PDE7B: variants seen among roughly 807,000 people sequenced by gnomAD.
PDE7B encodes the protein phosphodiesterase 7B.
A neutral mutation model predicts 56.2 loss-of-function variants in PDE7B; 29 were observed. The observed-to-expected ratio is 0.52, with a 90% CI of 0.38 to 0.70. PDE7B has a LOEUF of 0.70. Ranked by LOEUF, PDE7B falls within the 30% of genes least tolerant of loss-of-function variation. The probability of loss-of-function intolerance (pLI) is 0.00; values close to 1 mark genes in which losing one functional copy is unlikely to be tolerated. For missense variants in PDE7B, 490 were observed against 565.0 expected, an observed-to-expected ratio of 0.87 and a Z score of 1.35; for synonymous variants, 197 against 196.9, an observed-to-expected ratio of 1.00 and a Z score of 0.00.
chr6:136,018,115 T>C (rs1048937781), intron 2 of PDE7B, among the ~76,000 whole-genome samples: 2 of 152,174 alleles, frequency 1.3e-5, no homozygotes, highest in African/African-American at 4.8e-5. Context: ...TTATCTATAG[T>C]TTCCATGCAT....
intron 1 of PDE7B, among the ~76,000 whole-genome samples, chr6:135,920,931 A>G (rs759769029): frequency 3.3e-5 from 5 of 152,140 alleles, no homozygotes; most frequent in Admixed American, 6.5e-5. Flanking sequence ...TCTGATAAAC[A>G]ATGTGGTGCT....
chr6:135,962,018 G>T (rs1774911567), intron 2 of PDE7B, among the ~76,000 whole-genome samples: 2 of 152,048 alleles, frequency 1.3e-5, no homozygotes, highest in South Asian at 2.1e-4. Flanking sequence ...GTCAATGAAG[G>T]TTCATCAATT....
chr6:136,007,258 C>G (rs1355514419), intron 2 of PDE7B, among the ~76,000 whole-genome samples: 1 of 152,112 alleles, frequency 6.6e-6, no homozygotes. Context: ...GGAGATGAAG[C>G]CTACTTGATT....
At chr6:135,937,389 C>T (rs931856132) in intron 1 of PDE7B, among the ~76,000 whole-genome samples, 1 of 152,192 alleles carries the variant, frequency 6.6e-6, no homozygotes, top group African/African-American at 2.4e-5. Context: ...CCTTGCGTCT[C>T]TCCACTCTCC....
intron 1 of PDE7B, among the ~76,000 whole-genome samples, chr6:135,906,161 T>C (rs923643120): frequency 6.6e-6 from 1 of 152,146 alleles, no homozygotes; most frequent in African/African-American, 2.4e-5. Context: ...ACTCAGGATA[T>C]TTTAGTCAGG....
chr6:135,912,354 C>T (rs1246658904), intron 1 of PDE7B, among the ~76,000 whole-genome samples: 2 of 152,122 alleles, frequency 1.3e-5, no homozygotes, highest in African/African-American at 4.8e-5. Context: ...TATTTACATA[C>T]ATAGCGTAGC....
intron 3 of PDE7B, among the ~76,000 whole-genome samples, chr6:136,145,004 G>C (rs1192787114): frequency 6.6e-6 from 1 of 151,926 alleles, no homozygotes; most frequent in South Asian, 2.1e-4. Flanking sequence ...TAAATGCTTT[G>C]ATATTGGGTA....
intron 1 of PDE7B, among the ~76,000 whole-genome samples, chr6:135,914,484 G>GC (rs1776262980): frequency 1.6e-5 from 1 of 62,806 alleles, no homozygotes; most frequent in Non-Finnish European, 2.6e-5. Flanking sequence ...TTTTTATAAT[G>GC]CTTTTTTTTT....
At chr6:136,079,068 C>T (rs952671284) in intron 2 of PDE7B, among the ~76,000 whole-genome samples, 1 of 152,086 alleles carries the variant, frequency 6.6e-6, no homozygotes, top group Admixed American at 6.6e-5. Flanking sequence ...CACTGCATTC[C>T]CAATAATCCA....
chr6:135,933,886 T>G (rs1774341445), intron 1 of PDE7B, among the ~76,000 whole-genome samples: 1 of 152,158 alleles, frequency 6.6e-6, no homozygotes, highest in Admixed American at 6.5e-5. Context: ...TCCCTTTATA[T>G]TTTATAAATT....
chr6:136,159,520 G>A lies in PDE7B; in HGVS notation c.711+3762G>A, dbSNP rs980005077. ...AGGCATTAAACAAGGCAGTGCTATCGTTTCTTCAAGGGCCAAGGTCTTGTT... is the reference window on the plus strand; with the variant it reads ...AGGCATTAAACAAGGCAGTGCTATCATTTCTTCAAGGGCCAAGGTCTTGTT... On this transcript the variant is annotated intron_variant, in intron 8 of 12. Coordinates refer to ENST00000308191, the MANE Select transcript of PDE7B (RefSeq NM_018945.4). 4.6e-5 allele frequency among the ~76,000 whole-genome samples: 7 copies of A among 152,144 alleles called. No homozygotes were observed. In the East Asian group the frequency reaches 1.3e-3, roughly 29 times the overall value.
At chr6:135,995,369 A>C (rs780116524) in intron 2 of PDE7B, among the ~76,000 whole-genome samples, 1 of 152,212 alleles carries the variant, frequency 6.6e-6, no homozygotes, top group Non-Finnish European at 1.5e-5. Context: ...AAAACATTAA[A>C]GATTCTAAAA....
chr6:136,183,420 C>G (rs937986133), intron 11 of PDE7B, among the ~76,000 whole-genome samples: 1 of 151,364 alleles, frequency 6.6e-6, no homozygotes, highest in East Asian at 2.0e-4. Context: ...GGTGAAACCC[C>G]GTCTCTACTA....
chr6:136,051,186 C>G (rs1776620991), intron 2 of PDE7B, among the ~76,000 whole-genome samples: 1 of 152,136 alleles, frequency 6.6e-6, no homozygotes, highest in African/African-American at 2.4e-5. Flanking sequence ...TTACTCCATG[C>G]TCTCTGTACC....
intron 2 of PDE7B, among the ~76,000 whole-genome samples, chr6:136,083,936 T>C (rs1328039911): frequency 6.6e-6 from 1 of 152,204 alleles, no homozygotes; most frequent in African/African-American, 2.4e-5. Context: ...TTGTTGTAAA[T>C]TTAAATTGTT....
intron 5 of PDE7B, 37 bp downstream of exon 5, chr6:136,149,187 C>T: frequency 7.6e-7 from 1 of 1,319,074 alleles, no homozygotes; most frequent in Non-Finnish European, 1.1e-6. Flanking sequence ...AAAATATACA[C>T]CATAAAGTGG....
At chr6:136,003,125 T>C (rs906413457) in intron 2 of PDE7B, among the ~76,000 whole-genome samples, 20 of 151,522 alleles carry the variant, frequency 1.3e-4, no homozygotes, top group Non-Finnish European at 2.2e-4. Flanking sequence ...GAAATGAAGG[T>C]AGAAATAAAG....
At chr6:136,144,818 G>A (rs1342487968) in intron 3 of PDE7B, among the ~76,000 whole-genome samples, 1 of 151,964 alleles carries the variant, frequency 6.6e-6, no homozygotes, top group Non-Finnish European at 1.5e-5. Context: ...TGTGCATTTG[G>A]GGCAGGAACA....
chr6:136,091,109 CAT>C (rs935804595), intron 2 of PDE7B, among the ~76,000 whole-genome samples: 28 of 152,294 alleles, frequency 1.8e-4, no homozygotes, highest in African/African-American at 6.5e-4. Context: ...AGACCTTTAA[CAT>C]GTGGGTTCGG....
Sources: gnomAD v4.1 joint callset for allele counts (sites outside exome capture counted in the v4.1 genomes callset) on GRCh38, gnomAD v4.1.1 for gene constraint, MANE v1.5 for transcripts, NCBI Gene and HGNC (gene_info 2026-07-23, HGNC 2026-07-21) for gene names.